GLIS3: variants seen among roughly 807,000 people sequenced by gnomAD.
The protein encoded by GLIS3 is GLIS family zinc finger 3, also known as zinc finger protein GLIS3.
A neutral mutation model predicts 78.6 loss-of-function variants in GLIS3; 53 were observed. That is an observed-to-expected ratio of 0.67 (90% CI 0.54 to 0.85). The LOEUF (loss-of-function observed/expected upper bound fraction) is 0.85. Among genes scored for constraint, GLIS3 ranks in the 40% least tolerant of loss-of-function variants. GLIS3 has a pLI of 0.00. For synonymous variants in GLIS3, 684 were observed against 509.9 expected, an observed-to-expected ratio of 1.34 and a Z score of -4.60; for missense variants, 1,703 against 1,231.1, an observed-to-expected ratio of 1.38 and a Z score of -5.74.
At chr9:3,907,404 G>A (rs1017150244) in intron 6 of GLIS3, among the ~76,000 whole-genome samples, 3 of 152,116 alleles carry the variant, frequency 2.0e-5, no homozygotes, top group Admixed American at 1.3e-4. Flanking sequence ...TAGACAACGT[G>A]ATCCTTTCGT....
chr9:4,365,091 T>A, the GLIS3 span, among the ~76,000 whole-genome samples: 2 of 152,216 alleles, frequency 1.3e-5, no homozygotes, highest in Non-Finnish European at 2.9e-5. Context: ...GTTCAGAGGA[T>A]CCTGTTCCTG....
intron 4 of GLIS3, among the ~76,000 whole-genome samples, chr9:4,049,332 G>C (rs989303149): frequency 1.3e-5 from 2 of 152,058 alleles, no homozygotes; most frequent in South Asian, 4.1e-4. Context: ...ACTTCTGCAG[G>C]GCCCCTTCCT....
chr9:4,106,840 G>A (rs552029037), intron 4 of GLIS3, among the ~76,000 whole-genome samples: 1 of 152,110 alleles, frequency 6.6e-6, no homozygotes, highest in Non-Finnish European at 1.5e-5. Flanking sequence ...AGTGCCTGTG[G>A]GACATGAAGA....
intron 2 of GLIS3, among the ~76,000 whole-genome samples, chr9:4,329,844 AATG>A (rs1241959324): frequency 1.3e-5 from 2 of 152,218 alleles, no homozygotes; most frequent in African/African-American, 4.8e-5. Context: ...CTGGTAATGC[AATG>A]ATGAATTCGA....
chr9:4,159,404 T>C (rs5027091), intron 2 of GLIS3, among the ~76,000 whole-genome samples: 149,783 of 152,290 alleles, frequency 0.98, 73,720 homozygotes, highest in East Asian at 1. Flanking sequence ...AAGGTACTTA[T>C]AGTTATTTTT....
chr9:4,466,856 G>A, the GLIS3 span, among the ~76,000 whole-genome samples: 1 of 152,250 alleles, frequency 6.6e-6, no homozygotes, highest in African/African-American at 2.4e-5. Context: ...GGAAGTGCAA[G>A]GGGGTCGGGG....
At chr9:4,459,226 A>T in the GLIS3 span, among the ~76,000 whole-genome samples, 1 of 152,204 alleles carries the variant, frequency 6.6e-6, no homozygotes, top group Non-Finnish European at 1.5e-5. Context: ...CCATATACTG[A>T]ATATATGTGA....
intron 4 of GLIS3, among the ~76,000 whole-genome samples, chr9:3,958,594 G>T (rs1460734716): frequency 2.0e-5 from 3 of 152,126 alleles, no homozygotes. Flanking sequence ...ACACGTGTTG[G>T]GCTTCTACTC....
intron 2 of GLIS3, among the ~76,000 whole-genome samples, chr9:4,176,835 G>A (rs1036212009): frequency 1.3e-5 from 2 of 152,220 alleles, no homozygotes; most frequent in African/African-American, 4.8e-5. Flanking sequence ...CATTGGCCAG[G>A]CTGGTCTCAA....
the GLIS3 span, among the ~76,000 whole-genome samples, chr9:4,365,607 A>T: frequency 3.9e-5 from 6 of 152,170 alleles, no homozygotes; most frequent in South Asian, 1.2e-3. Context: ...ACATAATAAA[A>T]ACCTTGCATT....
At chr9:4,342,686 G>C (rs1370266391) in intron 2 of GLIS3, among the ~76,000 whole-genome samples, 1 of 152,136 alleles carries the variant, frequency 6.6e-6, no homozygotes, top group Non-Finnish European at 1.5e-5. Flanking sequence ...ATTGCTTTGG[G>C]CAGTATGGCC....
chr9:4,452,605 CT>C, the GLIS3 span, among the ~76,000 whole-genome samples: 154 of 152,290 alleles, frequency 1.0e-3, no homozygotes, highest in African/African-American at 3.6e-3. Context: ...AGGAATCCAA[CT>C]TACAAGGGAT....
At chr9:3,921,609 G>A (rs1481813381) in intron 6 of GLIS3, among the ~76,000 whole-genome samples, 1 of 151,900 alleles carries the variant, frequency 6.6e-6, no homozygotes, top group Non-Finnish European at 1.5e-5. Context: ...CTTTAGATGG[G>A]GGAGAAAAAT....
At chr9:4,050,159 T>C (rs1489595922) in intron 4 of GLIS3, among the ~76,000 whole-genome samples, 3 of 151,034 alleles carry the variant, frequency 2.0e-5, no homozygotes, top group Non-Finnish European at 4.4e-5. Context: ...GTATGTTTAT[T>C]GCGGCCTATT....
chr9:3,951,901 C>A (rs1428228590), intron 4 of GLIS3, among the ~76,000 whole-genome samples: 1 of 151,516 alleles, frequency 6.6e-6, no homozygotes, highest in Non-Finnish European at 1.5e-5. Context: ...CACACACCCA[C>A]TGGCCTTTCT....
At chr9:4,090,436 T>C (rs1318302922) in intron 4 of GLIS3, among the ~76,000 whole-genome samples, 3 of 151,506 alleles carry the variant, frequency 2.0e-5, no homozygotes, top group African/African-American at 4.9e-5. Flanking sequence ...AGTTTAGCCT[T>C]CTTTGGGACT....
At chr9:4,261,758 C>T (rs4387025) in intron 2 of GLIS3, among the ~76,000 whole-genome samples, 21,379 of 152,182 alleles carry the variant, frequency 0.14, 1,629 homozygotes, top group Non-Finnish European at 0.16. Context: ...TTCAGAGAGT[C>T]TTTAAAGCAA....
At chr9:3,857,366 AGAT>A (rs2130252313) in intron 8 of GLIS3, among the ~76,000 whole-genome samples, 1 of 152,352 alleles carries the variant, frequency 6.6e-6, no homozygotes, top group South Asian at 2.1e-4. Context: ...GGAGGGCCAT[AGAT>A]GATAAAAAGG....
At chr9:3,893,182 C>A (rs183598664) in intron 7 of GLIS3, among the ~76,000 whole-genome samples, 4 of 152,164 alleles carry the variant, frequency 2.6e-5, no homozygotes, top group African/African-American at 9.7e-5. Flanking sequence ...TGCCCAGCCT[C>A]GCTACTTGCC....
Sources: gnomAD v4.1 joint callset for allele counts (sites outside exome capture counted in the v4.1 genomes callset) on GRCh38, gnomAD v4.1.1 for gene constraint, MANE v1.5 for transcripts, NCBI Gene and HGNC (gene_info 2026-07-23, HGNC 2026-07-21) for gene names.